CCDC40: variants seen among roughly 807,000 people sequenced by gnomAD.
CCDC40 encodes coiled-coil domain 40 molecular ruler complex subunit.
A neutral mutation model predicts 124.5 loss-of-function variants in CCDC40; 104 were observed. The ratio of observed to expected loss-of-function variants is 0.84; its 90% CI spans 0.71 to 0.98. The LOEUF is 0.98. CCDC40 is among the 50% of genes least tolerant of loss of function. The pLI, the probability that CCDC40 is intolerant of heterozygous loss-of-function variation, is 0.00. For missense variants in CCDC40, 1,463 were observed against 1,503.9 expected (o/e 0.97, Z 0.45); for synonymous variants, 580 against 602.9 (o/e 0.96, Z 0.56).
At chr17:80,064,213 T>C (rs922143708) in intron 9 of CCDC40, among the ~76,000 whole-genome samples, 1 of 152,194 alleles carries the variant, frequency 6.6e-6, no homozygotes, top group African/African-American at 2.4e-5. Context: ...CGATGGCCTC[T>C]CTCATGCCCG....
Position 80,048,596 on chromosome 17 carries a change from G to A in CCDC40, c.690G>A (p.Gly230=). The change falls in exon 5 of 20, where the codon GGG becomes GGA. Residue 230 remains glycine, a synonymous_variant. Transcript: ENST00000397545. ...CTCTCCCCCCAGTGATCCCCCCAGG[G>A]GTGCCCGATGCCCACCCCAGGGAAG... ...FVSQEPVIPP[G]VPDAHPREGD... The A allele has an allele frequency of 1.2e-6, 2 of 1,613,734 alleles. No homozygotes were observed. Among genetic ancestry groups the A allele is most frequent in the Non-Finnish European group, 1.7e-6 (2 of 1,179,910 alleles).
intron 7 of CCDC40, among the ~76,000 whole-genome samples, chr17:80,053,023 C>T (rs1309074339): frequency 6.6e-6 from 1 of 152,146 alleles, no homozygotes; most frequent in East Asian, 1.9e-4. Context: ...AGAGCAAAAC[C>T]CCAAATGATT....
chr17:80,060,590 A>G (rs1287903957), intron 9 of CCDC40, among the ~76,000 whole-genome samples: 1 of 152,162 alleles, frequency 6.6e-6, no homozygotes, highest in Non-Finnish European at 1.5e-5. Context: ...GAAAATTTTG[A>G]AAAGGAAGGA....
At chr17:80,095,550 A>C in intron 18 of CCDC40, 99 bp downstream of exon 18, 1 of 1,178,218 alleles carries the variant, frequency 8.5e-7, no homozygotes, top group East Asian at 2.5e-5. Context: ...GTGAGGATGC[A>C]GAGGCTGCAG....
intron 10 of CCDC40, among the ~76,000 whole-genome samples, chr17:80,069,484 G>A (rs1311298675): frequency 2.6e-5 from 4 of 152,306 alleles, no homozygotes; most frequent in East Asian, 1.9e-4. Context: ...GGTGGCTCAC[G>A]CCTGTAATCC....
intron 13 of CCDC40, 137 bp from the exon 14 acceptor site, chr17:80,085,866 C>T: frequency 5.2e-6 from 4 of 765,350 alleles, no homozygotes; most frequent in South Asian, 2.9e-5. Context: ...GACGGGGTTT[C>T]ACCCTGTTGG....
intron 12 of CCDC40, 91 bp from the exon 13 acceptor site, chr17:80,084,652 A>G: frequency 6.7e-7 from 1 of 1,485,496 alleles, no homozygotes; most frequent in Non-Finnish European, 9.3e-7. Context: ...CCAGAGGAAC[A>G]TCCCGACCGT....
intron 5 of CCDC40, among the ~76,000 whole-genome samples, chr17:80,049,693 C>G (rs947976586): frequency 1.3e-5 from 2 of 152,022 alleles, no homozygotes; most frequent in Admixed American, 1.3e-4. Flanking sequence ...CCAAAATATG[C>G]ACTCAGTTCT....
At chr17:80,056,016 A>ATATATATATATATTTTTTTTTT in intron 7 of CCDC40, among the ~76,000 whole-genome samples, 3 of 10,246 alleles carry the variant, frequency 2.9e-4, no homozygotes, top group Non-Finnish European at 4.8e-4. Flanking sequence ...ATATATATAT[A>ATATATATATATATTTTTTTTTT]TTTTTTTTTT....
At chr17:80,084,471 G>C (rs1568709187) in intron 12 of CCDC40, among the ~76,000 whole-genome samples, 1 of 152,208 alleles carries the variant, frequency 6.6e-6, no homozygotes, top group African/African-American at 2.4e-5. Flanking sequence ...TTCAAGATGA[G>C]ATGTGAGTGG....
chr17:80,068,432 T>G (rs2038105556), intron 10 of CCDC40, among the ~76,000 whole-genome samples: 2 of 152,148 alleles, frequency 1.3e-5, no homozygotes, highest in African/African-American at 4.8e-5. Flanking sequence ...AAGAAGCAAC[T>G]TGGAGACAGG....
At chr17:80,065,698 A>G in intron 10 of CCDC40, 92 bp downstream of exon 10, 1 of 1,542,722 alleles carries the variant, frequency 6.5e-7, no homozygotes, top group Non-Finnish European at 8.9e-7. Flanking sequence ...GGTCCACCGG[A>G]TCTCTGGGAC....
chr17:80,085,326 C>G (rs1459293414), intron 13 of CCDC40, among the ~76,000 whole-genome samples: 1 of 152,208 alleles, frequency 6.6e-6, no homozygotes, highest in African/African-American at 2.4e-5. Flanking sequence ...AGTCTGAATT[C>G]CAAATAATTT....
chr17:80,038,282 AC>A, intron 2 of CCDC40, 96 bp downstream of exon 2: 3 of 843,546 alleles, frequency 3.6e-6, no homozygotes, highest in Non-Finnish European at 5.9e-6. Context: ...TGTAATCCCA[AC>A]ACTTTGGGAG....
chr17:80,088,615 G>A (rs567056573), intron 16 of CCDC40, among the ~76,000 whole-genome samples: 17 of 152,296 alleles, frequency 1.1e-4, no homozygotes, highest in African/African-American at 3.8e-4. Flanking sequence ...AAGACAAGAC[G>A]GGGCAACACA....
chr17:80,074,978 T>C (rs1218932980), intron 10 of CCDC40, among the ~76,000 whole-genome samples: 12 of 151,744 alleles, frequency 7.9e-5, no homozygotes, highest in Non-Finnish European at 1.8e-4. Context: ...GCTGGAGTGC[T>C]ATGGTACGAT....
At chr17:80,057,769 G>T (rs9916023) in intron 7 of CCDC40, among the ~76,000 whole-genome samples, 1 of 151,954 alleles carries the variant, frequency 6.6e-6, no homozygotes, top group East Asian at 1.9e-4. Context: ...CCAGCTACTC[G>T]GGAGGCTGAG....
chr17:80,092,015 TTTTTG>T (rs984983618), intron 17 of CCDC40: 1 of 152,052 alleles, frequency 6.6e-6, no homozygotes, highest in African/African-American at 2.4e-5. Flanking sequence ...TTTCTGGGTT[TTTTTG>T]TTTTGTTTTG....
Position 80,036,703 on chromosome 17 carries a change from C to T in CCDC40, c.29+12C>T, listed in dbSNP as rs577056774. ...GGCGCGGCGGGCCGGTAAGCCGGGC[C>T]GAGGGGCAGCGGGTCTTGGAGTCGC... On this transcript the variant is annotated intron_variant, in intron 1 of 19. Coordinates refer to ENST00000397545, the MANE Select transcript of CCDC40 (RefSeq NM_017950.4). 3 of 1,462,816 alleles carry T rather than the reference C, an allele frequency of 2.1e-6. No homozygotes were observed. Among genetic ancestry groups the T allele is most frequent in the East Asian group, 2.8e-5 (1 of 35,148 alleles). The allele number at this position is 1,462,816 out of a possible 1,614,324, so 90.6% of individuals were successfully genotyped here.
Sources: allele counts gnomAD v4.1 joint callset (sites outside exome capture counted in the v4.1 genomes callset), GRCh38; gene constraint gnomAD v4.1.1; transcripts MANE v1.5; gene names NCBI Gene and HGNC (gene_info 2026-07-23, HGNC 2026-07-21).